Variants in CADM2 observed in about 807,000 individuals in gnomAD.
The protein encoded by CADM2 is cell adhesion molecule 2.
In CADM2, 12 loss-of-function variants were observed where a neutral mutation model predicts 49.8. That is an observed-to-expected ratio of 0.24 (90% CI 0.15 to 0.39). The LOEUF (loss-of-function observed/expected upper bound fraction) is 0.39. CADM2 is among the 10% of genes least tolerant of loss of function. The probability of loss-of-function intolerance (pLI) is 1.00; values close to 1 mark genes in which losing one functional copy is unlikely to be tolerated. For synonymous variants in CADM2, 214 were observed against 175.4 expected (o/e 1.22, Z -1.74); for missense variants, 378 against 492.3 (o/e 0.77, Z 2.20).
At chr3:85,350,960 AT>A (rs2031280549) in intron 1 of CADM2, among the ~76,000 whole-genome samples, 1 of 152,178 alleles carries the variant, frequency 6.6e-6, no homozygotes, top group African/African-American at 2.4e-5. Flanking sequence ...AACAGAAAAC[AT>A]TTTCAAAGAA....
intron 1 of CADM2, among the ~76,000 whole-genome samples, chr3:85,345,975 T>C (rs943055011): frequency 1.3e-5 from 2 of 152,146 alleles, no homozygotes; most frequent in Admixed American, 6.5e-5. Flanking sequence ...ATAAGGCAAA[T>C]AATGTAAAAT....
intron 1 of CADM2, among the ~76,000 whole-genome samples, chr3:85,544,493 C>T (rs1293559935): frequency 6.6e-6 from 1 of 152,084 alleles, no homozygotes. Flanking sequence ...GGGTGAATGG[C>T]GTGAACCCGG....
intron 1 of CADM2, among the ~76,000 whole-genome samples, chr3:85,316,771 C>T (rs2044474414): frequency 6.6e-6 from 1 of 151,962 alleles, no homozygotes; most frequent in Non-Finnish European, 1.5e-5. Flanking sequence ...TACTAGCTCC[C>T]AATCCATTTA....
chr3:85,639,715 A>G (rs527834172), intron 1 of CADM2, among the ~76,000 whole-genome samples: 1 of 152,348 alleles, frequency 6.6e-6, no homozygotes, highest in South Asian at 2.1e-4. Flanking sequence ...AACGGCTTCT[A>G]ATACGAAGGC....
At chr3:85,407,553 G>C (rs1169614472) in intron 1 of CADM2, among the ~76,000 whole-genome samples, 1 of 152,088 alleles carries the variant, frequency 6.6e-6, no homozygotes, top group Non-Finnish European at 1.5e-5. Flanking sequence ...AAACAACTCT[G>C]TTCCCTTTAC....
intron 8 of CADM2, among the ~76,000 whole-genome samples, chr3:86,029,738 G>T (rs1734333000): frequency 6.6e-6 from 1 of 151,994 alleles, no homozygotes; most frequent in African/African-American, 2.4e-5. Context: ...CTTGGATGTT[G>T]ACAGGACAGG....
chr3:85,136,335 A>ATG (rs5850671), intron 1 of CADM2, among the ~76,000 whole-genome samples: 2,629 of 149,338 alleles, frequency 0.018, 23 homozygotes, highest in African/African-American at 0.025. Flanking sequence ...GTACTGAGTA[A>ATG]TGTGTGTGTG....
rs924170462 is a variant in CADM2 at position 85,906,636 on chromosome 3, G to A, written c.530-5737G>A. On this transcript the variant is annotated intron_variant, in intron 5 of 9. Coordinates refer to ENST00000383699, the MANE Select transcript of CADM2 (RefSeq NM_001167675.2). ...TAAAAATCTACCCTATTTCAGACAGGAATTGTATGAAAGGGTGCTCATAGG... is the reference window on the plus strand; with the variant it reads ...TAAAAATCTACCCTATTTCAGACAGAAATTGTATGAAAGGGTGCTCATAGG... Among the ~76,000 whole-genome samples, 11 of 152,204 alleles carry A rather than the reference G, an allele frequency of 7.2e-5. 1 individual carries two copies. In the South Asian group the frequency reaches 1.0e-3, roughly 14 times the overall value.
intron 1 of CADM2, among the ~76,000 whole-genome samples, chr3:85,425,216 T>C (rs2036346764): frequency 6.6e-6 from 1 of 152,212 alleles, no homozygotes; most frequent in South Asian, 2.1e-4. Context: ...TAGAAAGTGA[T>C]GTAGGGTTCA....
At chr3:85,283,788 A>C (rs2043561837) in intron 1 of CADM2, among the ~76,000 whole-genome samples, 2 of 152,156 alleles carry the variant, frequency 1.3e-5, no homozygotes, top group African/African-American at 2.4e-5. Context: ...CCAATGTCAT[A>C]TGAAGTAGGG....
intron 1 of CADM2, among the ~76,000 whole-genome samples, chr3:85,408,983 C>G (rs985698340): frequency 2.0e-5 from 3 of 152,076 alleles, no homozygotes; most frequent in Non-Finnish European, 4.4e-5. Context: ...TGCAAGCTCT[C>G]CAGAAGTCCT....
At chr3:85,452,093 T>C (rs191303572) in intron 1 of CADM2, among the ~76,000 whole-genome samples, 1 of 152,258 alleles carries the variant, frequency 6.6e-6, no homozygotes, top group Admixed American at 6.5e-5. Flanking sequence ...AAATAATATA[T>C]TGCCTTTTCT....
intron 1 of CADM2, among the ~76,000 whole-genome samples, chr3:85,457,315 A>C (rs2038037443): frequency 6.6e-6 from 1 of 152,016 alleles, no homozygotes; most frequent in Admixed American, 6.6e-5. Flanking sequence ...CAGGAGCCTA[A>C]GGCAGGAAGG....
chr3:85,226,324 T>C (rs2042159939), intron 1 of CADM2, among the ~76,000 whole-genome samples: 2 of 151,996 alleles, frequency 1.3e-5, no homozygotes, highest in South Asian at 4.1e-4. Context: ...TATTCAGAGA[T>C]ACGATTTCTT....
chr3:85,085,324 T>C (rs577971638), intron 1 of CADM2, among the ~76,000 whole-genome samples: 1 of 152,136 alleles, frequency 6.6e-6, no homozygotes, highest in African/African-American at 2.4e-5. Context: ...TGTCATTCAG[T>C]GCCAGCTTGT....
chr3:85,438,487 A>AT (rs956319714), intron 1 of CADM2, among the ~76,000 whole-genome samples: 14 of 152,074 alleles, frequency 9.2e-5, no homozygotes, highest in South Asian at 4.1e-4. Context: ...GCAGTCATAG[A>AT]TTTTCACTCC....
intron 8 of CADM2, among the ~76,000 whole-genome samples, chr3:86,029,002 T>G (rs1734248522): frequency 6.6e-6 from 1 of 152,136 alleles, no homozygotes; most frequent in Admixed American, 6.6e-5. Context: ...TACAATGAAT[T>G]GTAAGTGCCA....
intron 1 of CADM2, among the ~76,000 whole-genome samples, chr3:85,117,524 A>T (rs6796256): frequency 0.59 from 90,301 of 151,876 alleles, 27,726 homozygotes; most frequent in Non-Finnish European, 0.64. Flanking sequence ...GACTAGAATG[A>T]CACTATAAGC....
At chr3:85,655,221 C>G (rs879849791) in intron 1 of CADM2, among the ~76,000 whole-genome samples, 4 of 150,818 alleles carry the variant, frequency 2.7e-5, no homozygotes, top group Non-Finnish European at 4.4e-5. Context: ...GTGGTGTGAT[C>G]TCAGCTTACT....
Sources: allele counts gnomAD v4.1 joint callset (sites outside exome capture counted in the v4.1 genomes callset), GRCh38; gene constraint gnomAD v4.1.1; transcripts MANE v1.5; gene names NCBI Gene and HGNC (gene_info 2026-07-23, HGNC 2026-07-21).